Variants in ARID5B observed in about 807,000 individuals in gnomAD.
ARID5B encodes AT-rich interaction domain 5B, also known as AT-rich interactive domain-containing protein 5B.
A neutral mutation model predicts 97.2 loss-of-function variants in ARID5B; 13 were observed. That is an observed-to-expected ratio of 0.13 (90% confidence interval 0.09 to 0.21). The LOEUF is 0.21. Ranked by LOEUF, ARID5B falls within the 10% of genes least tolerant of loss-of-function variation. The pLI, the probability that ARID5B is intolerant of heterozygous loss-of-function variation, is 1.00. For missense variants in ARID5B, 1,210 were observed against 1,465.3 expected (o/e 0.83, Z 2.84); for synonymous variants, 556 against 570.3 (o/e 0.97, Z 0.36).
At chr10:62,077,009 C>T (rs1396280377) in intron 8 of ARID5B, among the ~76,000 whole-genome samples, 1 of 152,160 alleles carries the variant, frequency 6.6e-6, no homozygotes, top group Non-Finnish European at 1.5e-5. Context: ...ACCAGAAGCC[C>T]AGGAAACTGA....
chr10:61,963,239 G>A (rs1054257171), intron 3 of ARID5B, among the ~76,000 whole-genome samples: 1 of 152,060 alleles, frequency 6.6e-6, no homozygotes, highest in Non-Finnish European at 1.5e-5. Flanking sequence ...TGAGTTTTCT[G>A]TAAGTTAAAA....
At chr10:62,001,933 C>T (rs1438225046) in intron 4 of ARID5B, among the ~76,000 whole-genome samples, 1 of 152,188 alleles carries the variant, frequency 6.6e-6, no homozygotes, top group Non-Finnish European at 1.5e-5. Flanking sequence ...ACAATGCCCT[C>T]TCTTTTCAGA....
In ARID5B at chr10:62,096,774, A is replaced by G. The variant is rs1465459103; in HGVS notation, c.*3744A>G. ...CATTAGTTTAAACACTACCAGAAGAATGCTGAGCCAACTATAAACACTCAA... is the reference window on the plus strand; with the variant it reads ...CATTAGTTTAAACACTACCAGAAGAGTGCTGAGCCAACTATAAACACTCAA... On this transcript the variant is annotated 3_prime_UTR_variant, in exon 10 of 10. Transcript: ENST00000279873. The G allele has an allele frequency of 1.7e-5, 4 of 233,492 alleles. No homozygotes were observed. Among genetic ancestry groups the G allele is most frequent in the Non-Finnish European group, 3.4e-5 (4 of 117,990 alleles). The allele number at this position is 233,492 out of a possible 1,614,324, so 14.5% of individuals were successfully genotyped here.
chr10:62,035,051 G>A (rs1839544662), intron 4 of ARID5B, among the ~76,000 whole-genome samples: 2 of 152,176 alleles, frequency 1.3e-5, no homozygotes, highest in Admixed American at 1.3e-4. Flanking sequence ...GTTTCTGTTA[G>A]GTATTTAGGT....
At chr10:62,058,198 T>A (rs1371781986) in intron 6 of ARID5B, among the ~76,000 whole-genome samples, 1 of 152,234 alleles carries the variant, frequency 6.6e-6, no homozygotes, top group Non-Finnish European at 1.5e-5. Flanking sequence ...ATGATTACAA[T>A]GTTTGTCTGA....
intron 4 of ARID5B, among the ~76,000 whole-genome samples, chr10:62,049,637 C>T (rs1453528485): frequency 6.6e-6 from 1 of 152,134 alleles, no homozygotes; most frequent in Non-Finnish European, 1.5e-5. Flanking sequence ...GCCCTAAAGC[C>T]TCTTTTTAAA....
In ARID5B at chr10:62,096,699, C is replaced by T. The variant is rs937009037; in HGVS notation, c.*3669C>T. The T allele has an allele frequency of 1.3e-5, 3 of 233,280 alleles. No homozygotes were observed. Among genetic ancestry groups the T allele is most frequent in the Non-Finnish European group, 2.5e-5 (3 of 117,994 alleles). The allele number at this position is 233,280 out of a possible 1,614,324, so 14.5% of individuals were successfully genotyped here. On this transcript the variant is annotated 3_prime_UTR_variant, in exon 10 of 10. Coordinates refer to ENST00000279873, the MANE Select transcript of ARID5B (RefSeq NM_032199.3). The stretch of plus-strand genomic sequence containing the variant: ...GATTATTTGTATATAGCAACATGGC[C>T]CAGTGATATTATATAGTTTCCCAAT...
chr10:61,973,920 C>T (rs143254678), intron 3 of ARID5B, among the ~76,000 whole-genome samples: 211 of 152,266 alleles, frequency 1.4e-3, no homozygotes, highest in South Asian at 2.3e-3. Flanking sequence ...ATTATAAAAT[C>T]GAGTTTAGTC....
intron 2 of ARID5B, among the ~76,000 whole-genome samples, chr10:61,915,070 C>A (rs1169282171): frequency 6.6e-6 from 1 of 152,184 alleles, no homozygotes; most frequent in Non-Finnish European, 1.5e-5. Context: ...TAGGGACTTG[C>A]ACAGTTGACT....
intron 3 of ARID5B, among the ~76,000 whole-genome samples, chr10:61,993,150 C>T (rs527662963): frequency 1.7e-3 from 256 of 151,124 alleles, no homozygotes; most frequent in Middle Eastern, 3.4e-3. Context: ...CACACACACA[C>T]GCACACACAA....
Position 62,000,435 on chromosome 10 carries a change from G to A in ARID5B, c.733+114G>A. The A allele has an allele frequency of 1.0e-6, 1 of 975,688 alleles. No homozygotes were observed. Among genetic ancestry groups the A allele is most frequent in the African/African-American group, 1.6e-5 (1 of 60,726 alleles). The allele number at this position is 975,688 out of a possible 1,614,324, so 60.4% of individuals were successfully genotyped here. ...GGGCTCACTTTCACAAGCCCCATGT[G>A]CTGCCCCACCCCTCCCATCCCCCAA... On this transcript the variant is annotated intron_variant, in intron 4 of 9. Coordinates refer to ENST00000279873, the MANE Select transcript of ARID5B (RefSeq NM_032199.3). This position sits in a 1 kb window ranked among gnomAD's most constrained non-coding sequence, Gnocchi z 4.4.
intron 3 of ARID5B, among the ~76,000 whole-genome samples, chr10:61,988,394 C>T (rs1838875404): frequency 6.6e-6 from 1 of 152,174 alleles, no homozygotes; most frequent in Admixed American, 6.5e-5. Context: ...TATGTTTAAC[C>T]CAGAGGAGAG....
rs530592875 is a variant in ARID5B, at chr10:61,937,806, G to A, written c.277-2377G>A. ...ATGCGAACATGTGATTTATGCCATT[G>A]TGTGCACAAAGTAATGTTTCCTGAG... On this transcript the variant is annotated intron_variant, in intron 2 of 9. Coordinates refer to ENST00000279873, the MANE Select transcript of ARID5B (RefSeq NM_032199.3). 9.7e-4 allele frequency among the ~76,000 whole-genome samples: 147 copies of A among 152,324 alleles called. 1 individual carries two copies. Among genetic ancestry groups the A allele is most frequent in the African/African-American group, 3.4e-3 (142 of 41,576 alleles).
At chr10:62,038,442 T>C (rs1442386675) in intron 4 of ARID5B, among the ~76,000 whole-genome samples, 1 of 152,200 alleles carries the variant, frequency 6.6e-6, no homozygotes, top group African/African-American at 2.4e-5. Context: ...CTTCTTTCCT[T>C]GGTTCCTATA....
chr10:62,096,640 A>C lies in ARID5B; in HGVS notation c.*3610A>C, dbSNP rs1424629943. ...TTGTAAATATTGTATACTTTTGGTGATTCCAGCTATGTAACCTCTATGCTC... is the reference window on the plus strand; with the variant it reads ...TTGTAAATATTGTATACTTTTGGTGCTTCCAGCTATGTAACCTCTATGCTC... On this transcript the variant is annotated 3_prime_UTR_variant, in exon 10 of 10. Coordinates refer to ENST00000279873, the MANE Select transcript of ARID5B (RefSeq NM_032199.3). 1 of 233,428 alleles carries C rather than the reference A, an allele frequency of 4.3e-6. No individual in the cohort carries two copies. The allele number at this position is 233,428 out of a possible 1,614,324, so 14.5% of individuals were successfully genotyped here.
At chr10:61,901,808 C>T in intron 1 of ARID5B, 78 bp downstream of exon 1, 3 of 1,092,922 alleles carry the variant, frequency 2.7e-6, no homozygotes, top group Non-Finnish European at 4.1e-6. Flanking sequence ...CACACCTCTG[C>T]ACCCACCCAC....
intron 4 of ARID5B, among the ~76,000 whole-genome samples, chr10:62,036,961 G>T (rs974874570): frequency 6.6e-6 from 1 of 152,146 alleles, no homozygotes; most frequent in Non-Finnish European, 1.5e-5. Flanking sequence ...AACATCTATG[G>T]TTTCACCAAC....
intron 4 of ARID5B, among the ~76,000 whole-genome samples, chr10:62,018,281 A>G (rs926001815): frequency 6.6e-6 from 1 of 152,196 alleles, no homozygotes; most frequent in Non-Finnish European, 1.5e-5. Flanking sequence ...AGAGGAAGAA[A>G]AAATGAAATC....
chr10:62,015,666 C>T (rs1440916688), intron 4 of ARID5B, among the ~76,000 whole-genome samples: 4 of 152,134 alleles, frequency 2.6e-5, no homozygotes, highest in African/African-American at 9.7e-5. Flanking sequence ...CTCTGTCACC[C>T]AGGCTGGAGT....
Sources: gnomAD v4.1 joint callset for allele counts (sites outside exome capture counted in the v4.1 genomes callset) on GRCh38, gnomAD v4.1.1 for gene constraint, Gnocchi (gnomAD v3.1) non-coding constraint, MANE v1.5 for transcripts, NCBI Gene and HGNC (gene_info 2026-07-23, HGNC 2026-07-21) for gene names.